FRMD3: variants seen among roughly 807,000 people sequenced by gnomAD.
FRMD3 encodes the protein FERM domain-containing protein 3.
In FRMD3, 33 loss-of-function variants were observed where a neutral mutation model predicts 70.2. That is an observed-to-expected ratio of 0.47 (90% CI 0.36 to 0.63). The LOEUF is 0.63. Ranked by LOEUF, FRMD3 falls within the 20% of genes least tolerant of loss-of-function variation. The pLI, the probability that FRMD3 is intolerant of heterozygous loss-of-function variation, is 0.00. For missense variants in FRMD3, 632 were observed against 711.4 expected (o/e 0.89, Z 1.27); for synonymous variants, 279 against 255.9 (o/e 1.09, Z -0.86).
At chr9:83,507,681 AATATACATACATATATATATAT>A (rs1829218963) in intron 1 of FRMD3, among the ~76,000 whole-genome samples, 3 of 79,078 alleles carry the variant, frequency 3.8e-5, no homozygotes, top group African/African-American at 5.0e-5. Context: ...AACAAAAAAA[AATATACATACATATATATATAT>A]ATATATATAT....
intron 2 of FRMD3, among the ~76,000 whole-genome samples, chr9:83,375,238 C>T (rs369797984): frequency 6.6e-6 from 1 of 152,216 alleles, no homozygotes; most frequent in Admixed American, 6.5e-5. Flanking sequence ...AGACAGGGAA[C>T]ATGTAAGGCA....
At chr9:83,425,756 A>C (rs1392237193) in intron 1 of FRMD3, among the ~76,000 whole-genome samples, 2 of 151,934 alleles carry the variant, frequency 1.3e-5, no homozygotes, top group Admixed American at 1.3e-4. Flanking sequence ...AAAATACAAA[A>C]ATTAGCCAGG....
chr9:83,541,855 A>C (rs1442715595), upstream of FRMD3, among the ~76,000 whole-genome samples: 1 of 152,214 alleles, frequency 6.6e-6, no homozygotes. Context: ...CACCAGGTGA[A>C]CAAAGGCCAG....
chr9:83,374,220 T>C (rs752977037), intron 2 of FRMD3, among the ~76,000 whole-genome samples: 2 of 152,076 alleles, frequency 1.3e-5, no homozygotes, highest in African/African-American at 4.8e-5. Flanking sequence ...CTAAAATGCA[T>C]ATTCTTCTCG....
chr9:83,390,507 ACAG>A (rs1235492389), intron 1 of FRMD3, among the ~76,000 whole-genome samples: 1 of 152,190 alleles, frequency 6.6e-6, no homozygotes, highest in African/African-American at 2.4e-5. Context: ...AGATCCAAAG[ACAG>A]GCCTGTGTGA....
chr9:83,505,173 T>C (rs1829154295), intron 1 of FRMD3, among the ~76,000 whole-genome samples: 1 of 152,196 alleles, frequency 6.6e-6, no homozygotes, highest in East Asian at 1.9e-4. Context: ...TTACAATGAT[T>C]CACATAGAAG....
chr9:83,331,644 T>C (rs1429089064), intron 6 of FRMD3, among the ~76,000 whole-genome samples: 2 of 152,184 alleles, frequency 1.3e-5, no homozygotes, highest in African/African-American at 4.8e-5. Flanking sequence ...TGTACCACTC[T>C]AGGAAGGATA....
intron 1 of FRMD3, among the ~76,000 whole-genome samples, chr9:83,481,512 G>T (rs1828566165): frequency 6.6e-6 from 1 of 152,096 alleles, no homozygotes; most frequent in South Asian, 2.1e-4. Flanking sequence ...CACCATGAAA[G>T]AACGATTAAC....
chr9:83,573,624 T>C, the FRMD3 span, among the ~76,000 whole-genome samples: 2 of 152,124 alleles, frequency 1.3e-5, no homozygotes, highest in African/African-American at 4.8e-5. Context: ...AGTGTTGCCT[T>C]CATTCCTCTC....
chr9:83,245,187 A>G lies in FRMD3; in HGVS notation c.*2731T>C, dbSNP rs1180197456. 1.0e-6 allele frequency: 1 copy of G among 984,718 alleles called. No individual in the cohort carries two copies. The highest frequency in any genetic ancestry group is 1.2e-6 in the Non-Finnish European group (1 of 829,370). The allele number at this position is 984,718 out of a possible 1,614,324, so 61.0% of individuals were successfully genotyped here. ...TGTGTCTATTCAAAGACACACATATATACAGATTCATATATAAACACACAT... is the reference window on the plus strand; with the variant it reads ...TGTGTCTATTCAAAGACACACATATGTACAGATTCATATATAAACACACAT... On this transcript the variant is annotated 3_prime_UTR_variant, in exon 14 of 14. Transcript: ENST00000304195.
chr9:83,465,384 G>A (rs1286551096), intron 1 of FRMD3, among the ~76,000 whole-genome samples: 1 of 152,110 alleles, frequency 6.6e-6, no homozygotes, highest in East Asian at 1.9e-4. Context: ...GAGCCCAGGA[G>A]TTTGAGACCA....
rs566627798 is a variant in FRMD3, at chr9:83,422,583, T to C, written c.148-32875A>G. Among the ~76,000 whole-genome samples the C allele has an allele frequency of 2.0e-5, 3 of 152,344 alleles. No homozygotes were observed. The East Asian group carries it at 5.8e-4, about 29-fold the overall frequency. On this transcript the variant is annotated intron_variant, in intron 1 of 13. Transcript: ENST00000304195. The stretch of plus-strand genomic sequence containing the variant: ...CCTCTCATAGCAAGCTTCATTTTCC[T>C]TCACCAAATGGCTCTTCAATCTCCC...
intron 13 of FRMD3, among the ~76,000 whole-genome samples, chr9:83,288,074 T>C (rs905427203): frequency 6.6e-6 from 1 of 152,232 alleles, no homozygotes; most frequent in Non-Finnish European, 1.5e-5. Context: ...CATTAAAATA[T>C]AGAGATGAAA....
chr9:83,395,233 A>G (rs1379143018), intron 1 of FRMD3, among the ~76,000 whole-genome samples: 1 of 151,658 alleles, frequency 6.6e-6, no homozygotes, highest in East Asian at 1.9e-4. Flanking sequence ...AAGGAAGTTA[A>G]GTGGAATAGT....
rs566782791 is a variant in FRMD3 at position 83,491,794 on chromosome 9, T to C, written c.147+46291A>G. ...ATGGTATCTTGAGCTCTCTTCTATTTAACTGGGCATAGTTGCCTGGAAAAG... is the reference window on the plus strand; with the variant it reads ...ATGGTATCTTGAGCTCTCTTCTATTCAACTGGGCATAGTTGCCTGGAAAAG... On this transcript the variant is annotated intron_variant, in intron 1 of 13. Transcript: ENST00000304195. Among the ~76,000 whole-genome samples the C allele has an allele frequency of 4.1e-4, 62 of 152,352 alleles. 1 individual carries two copies. In the South Asian group the frequency reaches 4.1e-3, roughly 10 times the overall value.
intron 1 of FRMD3, among the ~76,000 whole-genome samples, chr9:83,397,916 T>C (rs1183314999): frequency 6.6e-6 from 1 of 152,214 alleles, no homozygotes; most frequent in East Asian, 1.9e-4. Context: ...TAGGATTATG[T>C]CTTCTAGGGA....
At chr9:83,243,972 C>T (rs940771967), downstream of FRMD3, among the ~76,000 whole-genome samples, 1 of 151,948 alleles carries the variant, frequency 6.6e-6, no homozygotes, top group African/African-American at 2.4e-5. Flanking sequence ...ACTGAAAATA[C>T]AAAAAATTAG....
intron 5 of FRMD3, among the ~76,000 whole-genome samples, chr9:83,338,510 T>C (rs1823651795): frequency 6.6e-6 from 1 of 152,160 alleles, no homozygotes; most frequent in African/African-American, 2.4e-5. Context: ...AAGTAAAACA[T>C]GGAAGACGCA....
At chr9:83,531,255 A>G (rs1829785985) in intron 1 of FRMD3, among the ~76,000 whole-genome samples, 1 of 152,172 alleles carries the variant, frequency 6.6e-6, no homozygotes, top group Non-Finnish European at 1.5e-5. Flanking sequence ...GAGTCAGTAA[A>G]TGTCCTTAAT....
Sources: gnomAD v4.1 joint callset for allele counts (sites outside exome capture counted in the v4.1 genomes callset) on GRCh38, gnomAD v4.1.1 for gene constraint, MANE v1.5 for transcripts, NCBI Gene and HGNC (gene_info 2026-07-23, HGNC 2026-07-21) for gene names.